GNG4: variants seen among roughly 807,000 people sequenced by gnomAD.
GNG4 encodes guanine nucleotide-binding protein G(I)/G(S)/G(O) subunit gamma-4.
Under a neutral mutation model 5.8 loss-of-function variants are expected in GNG4, and 4 were observed. The ratio of observed to expected loss-of-function variants is 0.69; its 90% CI spans 0.34 to 1.57. GNG4 has a LOEUF of 1.57. Ranked by LOEUF, GNG4 falls within the 40% of genes most tolerant of loss-of-function variation. The probability of loss-of-function intolerance (pLI) is 0.06; values close to 1 mark genes in which losing one functional copy is unlikely to be tolerated. For synonymous variants in GNG4, 29 were observed against 32.9 expected (o/e 0.88, Z 0.41); for missense variants, 96 against 95.1 (o/e 1.01, Z -0.04).
At chr1:235,596,192 AAAAC>A (rs61439937) in intron 1 of GNG4, among the ~76,000 whole-genome samples, 3 of 143,094 alleles carry the variant, frequency 2.1e-5, no homozygotes, top group Admixed American at 1.4e-4. Flanking sequence ...AAACAAAACA[AAAAC>A]AAACAAACAA....
chr1:235,633,198 G>C (rs776121817), intron 1 of GNG4, among the ~76,000 whole-genome samples: 2 of 152,222 alleles, frequency 1.3e-5, no homozygotes, highest in South Asian at 2.1e-4. Flanking sequence ...ACAGCCTGCT[G>C]CTGGTCCCTG....
At chr1:235,565,373 G>A (rs1687169121) in intron 3 of GNG4, among the ~76,000 whole-genome samples, 1 of 152,096 alleles carries the variant, frequency 6.6e-6, no homozygotes, top group Admixed American at 6.5e-5. Context: ...TGGTGGTGAT[G>A]GGCGCCTGTA....
chr1:235,634,127 C>T (rs1688984380), intron 1 of GNG4, among the ~76,000 whole-genome samples: 1 of 152,162 alleles, frequency 6.6e-6, no homozygotes, highest in Non-Finnish European at 1.5e-5. Flanking sequence ...ATCAGCTAGT[C>T]TCAAAATTAC....
intron 1 of GNG4, among the ~76,000 whole-genome samples, chr1:235,634,021 C>T (rs527772447): frequency 1.1e-3 from 161 of 152,274 alleles, no homozygotes; most frequent in Non-Finnish European, 1.4e-3. Context: ...TGGGAGGATT[C>T]GAAATCAGAG....
chr1:235,617,020 T>C (rs1026323326), intron 1 of GNG4, among the ~76,000 whole-genome samples: 3 of 151,362 alleles, frequency 2.0e-5, no homozygotes, highest in African/African-American at 4.9e-5. Context: ...AGTGCTGCCA[T>C]TACAGGCGTG....
chr1:235,584,085 G>T (rs188976688), intron 2 of GNG4, among the ~76,000 whole-genome samples: 7 of 152,298 alleles, frequency 4.6e-5, no homozygotes, highest in Non-Finnish European at 5.9e-5. Context: ...AGTGAGAAGA[G>T]AACAGAAGGT....
chr1:235,616,457 C>T, intron 1 of GNG4: 1 of 241,162 alleles, frequency 4.1e-6, no homozygotes, highest in Non-Finnish European at 8.2e-6. Context: ...CGATCCCTGG[C>T]CTGAGGACTC....
intron 3 of GNG4, among the ~76,000 whole-genome samples, chr1:235,580,755 T>G (rs955102603): frequency 4.7e-5 from 7 of 147,820 alleles, no homozygotes; most frequent in Non-Finnish European, 7.5e-5. Context: ...TGTTTTTTTT[T>G]TTTTTTTTTT....
intron 2 of GNG4, among the ~76,000 whole-genome samples, chr1:235,587,574 G>A (rs1488399011): frequency 3.7e-5 from 3 of 81,122 alleles, no homozygotes; most frequent in Admixed American, 2.3e-4. Flanking sequence ...GGGAGGGTGT[G>A]GGGTGGCGGT....
chr1:235,637,435 T>TTGAG (rs778385980), intron 1 of GNG4, among the ~76,000 whole-genome samples: 7 of 151,262 alleles, frequency 4.6e-5, no homozygotes, highest in Non-Finnish European at 8.8e-5. Flanking sequence ...GGGGGATCAC[T>TTGAG]TGAGGCCAGG....
chr1:235,611,532 T>C (rs746969091), intron 1 of GNG4, among the ~76,000 whole-genome samples: 3 of 152,182 alleles, frequency 2.0e-5, no homozygotes, highest in African/African-American at 2.4e-5. Context: ...GTGAGTAGAT[T>C]TGACCATTGG....
At chr1:235,595,902 C>T (rs1039135705) in intron 1 of GNG4, among the ~76,000 whole-genome samples, 10 of 144,194 alleles carry the variant, frequency 6.9e-5, no homozygotes, top group Admixed American at 2.1e-4. Flanking sequence ...GGGCCGGGCG[C>T]GGTGGCTCAT....
At chr1:235,650,284 CG>C (rs1310527128), upstream of GNG4, among the ~76,000 whole-genome samples, 4 of 74,710 alleles carry the variant, frequency 5.4e-5, no homozygotes, top group Admixed American at 2.7e-4. Context: ...GGGGGCGCGG[CG>C]GGGGGGAGAT....
intron 2 of GNG4, among the ~76,000 whole-genome samples, chr1:235,594,427 C>T (rs1688072137): frequency 1.3e-5 from 2 of 152,262 alleles, no homozygotes; most frequent in South Asian, 2.1e-4. Context: ...CCATGCCATG[C>T]GCCCACACTC....
intron 2 of GNG4, among the ~76,000 whole-genome samples, chr1:235,594,853 GCTC>G (rs1284127881): frequency 5.9e-5 from 9 of 152,222 alleles, no homozygotes; most frequent in Non-Finnish European, 1.3e-4. Context: ...GGGCTGAAGG[GCTC>G]CTCAAGTGCT....
intron 1 of GNG4, chr1:235,615,607 G>T: frequency 9.0e-6 from 2 of 222,188 alleles, no homozygotes; most frequent in Non-Finnish European, 1.0e-5. Context: ...AGATGATTAT[G>T]TGTCCAAGTC....
chr1:235,553,367 C>A (rs899684261), intron 3 of GNG4, among the ~76,000 whole-genome samples: 1 of 152,178 alleles, frequency 6.6e-6, no homozygotes, highest in African/African-American at 2.4e-5. Flanking sequence ...GTTCTGCCTG[C>A]GAGTATTTAT....
chr1:235,559,624 C>T (rs1687008481), intron 3 of GNG4, among the ~76,000 whole-genome samples: 1 of 152,164 alleles, frequency 6.6e-6, no homozygotes, highest in Non-Finnish European at 1.5e-5. Flanking sequence ...TGGGTGGGTC[C>T]TAGGCCACAG....
chr1:235,579,282 C>A (rs904915014), intron 3 of GNG4, among the ~76,000 whole-genome samples: 27 of 151,924 alleles, frequency 1.8e-4, no homozygotes, highest in African/African-American at 6.5e-4. Context: ...CTTGACTTAG[C>A]CATTCCACAA....
Sources: allele counts gnomAD v4.1 joint callset (sites outside exome capture counted in the v4.1 genomes callset), GRCh38; gene constraint gnomAD v4.1.1; transcripts MANE v1.5; gene names NCBI Gene and HGNC (gene_info 2026-07-23, HGNC 2026-07-21).